The following NPC1 variants were observed in gnomAD, a reference collection of about 807,000 sequenced individuals.
NPC1 encodes Niemann-Pick C1 protein.
NPC1 carries 85 observed loss-of-function variants against 140.4 expected under a neutral mutation model. The observed-to-expected ratio is 0.61, with a 90% CI of 0.51 to 0.72. NPC1 has a LOEUF of 0.72. Among genes scored for constraint, NPC1 ranks in the 30% least tolerant of loss-of-function variants. The pLI is 0.00. For synonymous variants in NPC1, 656 were observed against 624.8 expected, an observed-to-expected ratio of 1.05 and a Z score of -0.74; for missense variants, 1,504 against 1,623.8, an observed-to-expected ratio of 0.93 and a Z score of 1.27.
At chr18:23,567,496 A>G (rs1026251460) in intron 4 of NPC1, among the ~76,000 whole-genome samples, 6 of 152,104 alleles carry the variant, frequency 3.9e-5, no homozygotes, top group African/African-American at 1.4e-4. Context: ...TTGCTTTCTT[A>G]TTGAGTTTTA....
chr18:23,576,409 GAA>G (rs1338790800), intron 1 of NPC1: 8 of 913,268 alleles, frequency 8.8e-6, no homozygotes, highest in Non-Finnish European at 1.0e-5. Flanking sequence ...ACAACAAAGT[GAA>G]AACTGGTCTC....
chr18:23,514,518 C>T (rs1436694488), intron 3 of NPC1, among the ~76,000 whole-genome samples: 31 of 151,702 alleles, frequency 2.0e-4, no homozygotes, highest in Non-Finnish European at 1.5e-5. Flanking sequence ...GATTGTGCCA[C>T]TGCACTCCAG....
intron 3 of NPC1, 100 bp downstream of exon 3, chr18:23,571,974 A>G: frequency 1.6e-6 from 1 of 607,834 alleles, no homozygotes. Context: ...TAGACATATA[A>G]TAAATAAAAA....
At chr18:23,515,965 T>G in intron 3 of NPC1, 1 of 1,614,174 alleles carries the variant, frequency 6.2e-7, no homozygotes, top group South Asian at 1.1e-5. Context: ...ACCACGGTCC[T>G]GGAGAATGTC....
At position 23,535,700 on chromosome 18, in the gene NPC1, A is replaced by T. The variant is rs761952957; in HGVS notation, c.3246T>A (p.Ser1082Arg). ...ACTGTTCGTAGAAGACATAAAACACACTGGAGGGGAGAGGGGAGGCCTCAT... is the reference window on the plus strand; with the variant it reads ...ACTGTTCGTAGAAGACATAAAACACTCTGGAGGGGAGAGGGGAGGCCTCAT... ...NGSAYRVFPY[S>R]VFYVFYEQYL... The change falls in exon 22 of 25, where the codon AGT becomes AGA. Residue 1082 changes from serine to arginine, a missense_variant and splice_region_variant. Transcript: ENST00000269228. 6.2e-7 allele frequency: 1 copy of T among 1,605,274 alleles called. No individual in the cohort carries two copies. The highest frequency in any genetic ancestry group is 1.1e-5 in the South Asian group (1 of 90,854).
At chr18:23,546,961 T>C (rs1034478729) in intron 11 of NPC1, among the ~76,000 whole-genome samples, 1 of 152,164 alleles carries the variant, frequency 6.6e-6, no homozygotes, top group Non-Finnish European at 1.5e-5. Context: ...AGCTACTGAA[T>C]TGTACGCTTT....
In NPC1 at chr18:23,543,033, A is replaced by C. The variant is rs2058732858; in HGVS notation, c.2245+422T>G. 2.0e-5 allele frequency among the ~76,000 whole-genome samples: 3 copies of C among 152,204 alleles called. No homozygotes were observed. In the South Asian group the frequency reaches 6.2e-4, roughly 32 times the overall value. ...CCAGTGCAGAACAAAGCTTAAAAAA[A>C]GGAGACAACACGGGCTGGGCACGGG... On this transcript the variant is annotated intron_variant, in intron 14 of 24. Transcript: ENST00000269228.
downstream of NPC1, chr18:23,529,517 G>C (rs2058419782): frequency 3.2e-6 from 4 of 1,258,800 alleles, no homozygotes; most frequent in Non-Finnish European, 4.6e-6. Flanking sequence ...CAAAACCAGT[G>C]AAAGATGAAC....
rs144677256 is a variant in NPC1 at position 23,549,464 on chromosome 18, C to T, written c.1655-1356G>A. Among the ~76,000 whole-genome samples the T allele has an allele frequency of 3.5e-4, 53 of 152,156 alleles. No individual in the cohort carries two copies. The South Asian group carries it at 8.7e-3, about 25-fold the overall frequency. On this transcript the variant is annotated intron_variant, in intron 10 of 24. Transcript: ENST00000269228. ...ACCAGTCTGGGCAACAAGGCAAAAC[C>T]GTGTCTCTACTAAAAATACAAGAAA...
chr18:23,565,712 G>A (rs1011768440), intron 4 of NPC1, among the ~76,000 whole-genome samples: 1 of 152,136 alleles, frequency 6.6e-6, no homozygotes, highest in Non-Finnish European at 1.5e-5. Flanking sequence ...CCATACTAAA[G>A]TAAATGGAAT....
rs761452493 is a variant in NPC1, at chr18:23,572,094, C to G, written c.267G>C (p.Leu89=). 1.9e-6 allele frequency: 3 copies of G among 1,613,676 alleles called. No homozygotes were observed. The highest frequency in any genetic ancestry group is 1.1e-5 in the South Asian group (1 of 91,070). The part of the protein sequence containing the change: ...QLQTLKDNLQ[L]PLQFLSRCPS... Reference sequence around the variant, plus strand: ...CCTACCTGGACAGAAACTGTAGAGGCAGCTGCAGGTTGTCTTTTAGTGTCT... The same window carrying G: ...CCTACCTGGACAGAAACTGTAGAGGGAGCTGCAGGTTGTCTTTTAGTGTCT... Residue 89 remains leucine (L), a synonymous_variant, in exon 3 of 25, where the codon CTG becomes CTC. Transcript: ENST00000269228.
chr18:23,575,406 G>A (rs977827511), intron 1 of NPC1, among the ~76,000 whole-genome samples: 12 of 152,142 alleles, frequency 7.9e-5, no homozygotes, highest in African/African-American at 1.7e-4. Context: ...AAGAGCTCCT[G>A]AGGCTCAGTG....
rs1338336823 is a variant in NPC1, at chr18:23,516,505, C to T, written c.432-9863G>A. 11 of 1,405,254 alleles carry T rather than the reference C, an allele frequency of 7.8e-6. No individual in the cohort carries two copies. The East Asian group carries it at 2.1e-4, about 27-fold the overall frequency. 87.0% of individuals were successfully genotyped at this position (1,405,254 alleles called of 1,614,324 possible). On this transcript the variant is annotated intron_variant, in intron 3 of 3. Transcript: ENST00000591107. ...TAGAAGGAGTGTGTTACAAGCACCA[C>T]GTGATGCCCTGACCCCTAGAACACA...
chr18:23,513,792 T>G (rs924496805), intron 3 of NPC1, among the ~76,000 whole-genome samples: 5 of 152,216 alleles, frequency 3.3e-5, no homozygotes, highest in Non-Finnish European at 7.3e-5. Flanking sequence ...GTTGAGCACT[T>G]TTGTGTGTGT....
intron 3 of NPC1, among the ~76,000 whole-genome samples, chr18:23,508,438 C>T (rs2057767137): frequency 6.6e-6 from 1 of 152,136 alleles, no homozygotes. Context: ...AGTTTCCTTT[C>T]CTCAATTTGT....
chr18:23,565,512 C>T (rs1359519394), intron 4 of NPC1, among the ~76,000 whole-genome samples: 4 of 152,236 alleles, frequency 2.6e-5, no homozygotes, highest in East Asian at 1.9e-4. Context: ...AGCGCCACCA[C>T]GCCCAGCTAA....
chr18:23,537,048 T>C (rs1425641565), intron 20 of NPC1, among the ~76,000 whole-genome samples, 172 bp from the exon 21 acceptor site: 1 of 152,064 alleles, frequency 6.6e-6, no homozygotes, highest in African/African-American at 2.4e-5. Context: ...AAGGTTTAGC[T>C]TGTTCTCTCC....
At position 23,539,340 on chromosome 18, in the gene NPC1, T is replaced by G. The variant is rs2058678570; in HGVS notation, c.2911+15A>C. On this transcript the variant is annotated intron_variant, in intron 19 of 24. Coordinates refer to ENST00000269228, the MANE Select transcript of NPC1 (RefSeq NM_000271.5). Reference sequence around the variant, plus strand: ...TTTCAGCAAAACAGGAAAGATTTGGTAAAGGAGAAGGTACCTGAAGCATTG... The same window carrying G: ...TTTCAGCAAAACAGGAAAGATTTGGGAAAGGAGAAGGTACCTGAAGCATTG... The G allele has an allele frequency of 1.9e-6, 3 of 1,572,652 alleles. No homozygotes were observed. The highest frequency in any genetic ancestry group is 2.6e-6 in the Non-Finnish European group (3 of 1,142,668).
Position 23,531,789 on chromosome 18 carries a change from A to G in NPC1, c.*413T>C, listed in dbSNP as rs1343099867. ...AGCTCTTTAAACTATAAAATGTTAT[A>G]AAGTGTATCTACAACCTCAACTGTC... On this transcript the variant is annotated 3_prime_UTR_variant, in exon 25 of 25. Transcript: ENST00000269228. 1 of 1,551,362 alleles carries G rather than the reference A, an allele frequency of 6.4e-7. No homozygotes were observed. The highest frequency in any genetic ancestry group is 8.6e-7 in the Non-Finnish European group (1 of 1,156,622).
Sources: gnomAD v4.1 joint callset for allele counts (sites outside exome capture counted in the v4.1 genomes callset) on GRCh38, gnomAD v4.1.1 for gene constraint, MANE v1.5 for transcripts, NCBI Gene and HGNC (gene_info 2026-07-23, HGNC 2026-07-21) for gene names.